The following MAGI2 variants were observed in gnomAD, a reference collection of about 807,000 sequenced individuals.
MAGI2 encodes the protein membrane-associated guanylate kinase, WW and PDZ domain-containing protein 2.
Under a neutral mutation model 133.3 loss-of-function variants are expected in MAGI2, and 35 were observed. The ratio of observed to expected loss-of-function variants is 0.26; its 90% confidence interval spans 0.20 to 0.35. The LOEUF (loss-of-function observed/expected upper bound fraction) is 0.35, where lower values mean the gene tolerates loss of function less well. Among genes scored for constraint, MAGI2 ranks in the 10% least tolerant of loss-of-function variants. The pLI is 1.00. For synonymous variants in MAGI2, 729 were observed against 710.6 expected, an observed-to-expected ratio of 1.03 and a Z score of -0.41; for missense variants, 1,636 against 1,863.4, an observed-to-expected ratio of 0.88 and a Z score of 2.25.
At chr7:78,095,253 A>C (rs1817590393) in intron 20 of MAGI2, among the ~76,000 whole-genome samples, 1 of 152,152 alleles carries the variant, frequency 6.6e-6, no homozygotes, top group Non-Finnish European at 1.5e-5. Flanking sequence ...AAGATAGTAA[A>C]TCTTTTTTGG....
chr7:79,355,667 G>A (rs1452468804), intron 1 of MAGI2, among the ~76,000 whole-genome samples: 9 of 152,044 alleles, frequency 5.9e-5, no homozygotes, highest in Non-Finnish European at 1.3e-4. Context: ...GTTTTGTTTT[G>A]TTTTCCTAAA....
At chr7:78,277,236 A>T (rs567708489) in intron 9 of MAGI2, among the ~76,000 whole-genome samples, 1 of 152,310 alleles carries the variant, frequency 6.6e-6, no homozygotes, top group East Asian at 1.9e-4. Context: ...ATGATTTAGC[A>T]AGGAAAATTA....
chr7:78,922,908 C>T (rs375548558), intron 2 of MAGI2, among the ~76,000 whole-genome samples: 12,781 of 151,586 alleles, frequency 0.084, 591 homozygotes, highest in African/African-American at 0.13. Flanking sequence ...GATGGTATCT[C>T]ATTGTGGTTT....
chr7:78,361,898 A>G (rs1316543185), intron 7 of MAGI2, among the ~76,000 whole-genome samples: 1 of 152,208 alleles, frequency 6.6e-6, no homozygotes, highest in Non-Finnish European at 1.5e-5. Context: ...AACGACCTCT[A>G]ACTTCAGAAA....
At chr7:78,258,457 A>T (rs1288454067) in intron 9 of MAGI2, among the ~76,000 whole-genome samples, 2 of 152,278 alleles carry the variant, frequency 1.3e-5, no homozygotes, top group African/African-American at 4.8e-5. Flanking sequence ...TGATTGGAAC[A>T]TTGCTCATAT....
At chr7:79,425,238 C>T (rs941023969) in intron 1 of MAGI2, among the ~76,000 whole-genome samples, 4 of 146,102 alleles carry the variant, frequency 2.7e-5, no homozygotes, top group Non-Finnish European at 5.9e-5. Context: ...GGCGACAGAG[C>T]GAGACTCCGT....
chr7:78,763,630 G>T (rs1267921887), intron 2 of MAGI2, among the ~76,000 whole-genome samples: 2 of 152,040 alleles, frequency 1.3e-5, no homozygotes, highest in African/African-American at 4.8e-5. Flanking sequence ...TAACATAGCT[G>T]GCAAGAAGGC....
chr7:78,703,049 T>C (rs1263385370), intron 2 of MAGI2, among the ~76,000 whole-genome samples: 2 of 151,668 alleles, frequency 1.3e-5, no homozygotes, highest in African/African-American at 2.4e-5. Flanking sequence ...TAAGCAAGGG[T>C]GAGAAAGAAG....
intron 1 of MAGI2, among the ~76,000 whole-genome samples, chr7:79,391,171 CAAATT>C (rs1844575761): frequency 6.6e-6 from 1 of 151,932 alleles, no homozygotes; most frequent in African/African-American, 2.4e-5. Flanking sequence ...ATGAAGATAA[CAAATT>C]AAAGCCTAAA....
At chr7:78,984,571 T>C (rs963723586) in intron 2 of MAGI2, among the ~76,000 whole-genome samples, 2 of 151,910 alleles carry the variant, frequency 1.3e-5, no homozygotes, top group East Asian at 1.9e-4. Flanking sequence ...GTTTAGAAGG[T>C]CCTGCCTTCA....
rs3050633 is a variant in MAGI2 at position 79,387,094 on chromosome 7, TTGTGTG to T, written c.301+65920_301+65925del. ...AGAGATGGCTCACAAATTTTTATGC[TTGTGTG>T]TGTGTGTGTGTGTGTGTGTGTGTGT... is the stretch of plus-strand genomic sequence containing the variant. On this transcript the variant is annotated intron_variant, in intron 1 of 21. Transcript: ENST00000354212. Among the ~76,000 whole-genome samples, 378 of 141,584 alleles carry T rather than the reference TTGTGTG, an allele frequency of 2.7e-3. 2 individuals carry two copies. Among genetic ancestry groups the T allele is most frequent in the South Asian group, 6.4e-3 (28 of 4,378 alleles). The allele number at this position is 141,584 out of a possible 152,430, so 92.9% of individuals were successfully genotyped here. A position where few individuals can be genotyped will look rare whatever the true frequency, so the allele number is the denominator to read the frequency against.
chr7:78,044,673 T>C (rs1811209568), intron 21 of MAGI2, among the ~76,000 whole-genome samples: 1 of 115,742 alleles, frequency 8.6e-6, no homozygotes, highest in African/African-American at 3.7e-5. Flanking sequence ...GTGAGGCTAA[T>C]GTACCGTGTG....
At chr7:78,944,946 C>T (rs1271149246) in intron 2 of MAGI2, among the ~76,000 whole-genome samples, 3 of 151,962 alleles carry the variant, frequency 2.0e-5, no homozygotes, top group Non-Finnish European at 4.4e-5. Flanking sequence ...ATCATGTTGC[C>T]CGAGCTGGTC....
At chr7:78,412,611 C>A (rs928477233) in intron 6 of MAGI2, among the ~76,000 whole-genome samples, 1 of 151,984 alleles carries the variant, frequency 6.6e-6, no homozygotes, top group African/African-American at 2.4e-5. Context: ...TTGGATGGAA[C>A]TAGGGCAGGT....
intron 1 of MAGI2, among the ~76,000 whole-genome samples, chr7:79,234,837 G>A (rs566639335): frequency 0.02 from 3,100 of 151,348 alleles, 117 homozygotes; most frequent in African/African-American, 0.071. Context: ...TTGCTGGTGA[G>A]GAACTGCGTT....
At chr7:78,109,033 G>C (rs972795105) in intron 20 of MAGI2, among the ~76,000 whole-genome samples, 1 of 151,828 alleles carries the variant, frequency 6.6e-6, no homozygotes, top group Admixed American at 6.6e-5. Context: ...GGCTGGGCGC[G>C]GTGGCTCATG....
At chr7:79,440,380 G>T (rs1848421649) in intron 1 of MAGI2, among the ~76,000 whole-genome samples, 1 of 151,906 alleles carries the variant, frequency 6.6e-6, no homozygotes, top group South Asian at 2.1e-4. Context: ...TGGCTGGTTT[G>T]CTTTCTTGAT....
chr7:79,147,750 T>G (rs1432037686), intron 1 of MAGI2, among the ~76,000 whole-genome samples: 1 of 144,830 alleles, frequency 6.9e-6, no homozygotes, highest in Non-Finnish European at 1.5e-5. Flanking sequence ...CCCCAGGGAA[T>G]GGAGCAGGAG....
intron 2 of MAGI2, among the ~76,000 whole-genome samples, chr7:78,892,461 G>A (rs1347550525): frequency 3.3e-5 from 5 of 152,032 alleles, no homozygotes; most frequent in South Asian, 2.1e-4. Flanking sequence ...GAGGCATCAT[G>A]CTACCTGACT....
Sources: allele counts gnomAD v4.1 joint callset (sites outside exome capture counted in the v4.1 genomes callset), GRCh38; gene constraint gnomAD v4.1.1; transcripts MANE v1.5; gene names NCBI Gene and HGNC (gene_info 2026-07-23, HGNC 2026-07-21).